Variants in ZNF483 observed in about 807,000 individuals in gnomAD.
The protein encoded by ZNF483 is zinc finger protein 483, also known as zinc finger protein HIT-10.
A neutral mutation model predicts 28.6 loss-of-function variants in ZNF483; 9 were observed. The ratio of observed to expected loss-of-function variants is 0.32; its 90% CI spans 0.19 to 0.55. The LOEUF is 0.55. Among genes scored for constraint, ZNF483 ranks in the 20% least tolerant of loss-of-function variants. The pLI is 0.93. For synonymous variants in ZNF483, 322 were observed against 306.2 expected (o/e 1.05, Z -0.54); for missense variants, 675 against 871.7 (o/e 0.77, Z 2.84).
At chr9:111,531,827 G>A (rs1302704569) in intron 3 of ZNF483, among the ~76,000 whole-genome samples, 3 of 152,166 alleles carry the variant, frequency 2.0e-5, no homozygotes, top group East Asian at 1.9e-4. Context: ...GACAACTGGC[G>A]CACGCCACTG....
rs1163868637 is a variant in ZNF483, at chr9:111,548,100, A to G, written c.*4930A>G. 1.3e-5 allele frequency among the ~76,000 whole-genome samples: 2 copies of G among 152,198 alleles called. No homozygotes were observed. The highest frequency in any genetic ancestry group is 3.8e-4 in the East Asian group (2 of 5,202). On this transcript the variant is annotated 3_prime_UTR_variant, in exon 6 of 6. Transcript: ENST00000309235. ...TGAAATGAGGAAGTGTGAGGCCTCCAGCTTTGTTCTTTCCCAAATTGTTTT... is the reference window on the plus strand; with the variant it reads ...TGAAATGAGGAAGTGTGAGGCCTCCGGCTTTGTTCTTTCCCAAATTGTTTT...
At chr9:111,564,141 TAGAGAC>T in intron 5 of ZNF483, 1 of 572,446 alleles carries the variant, frequency 1.7e-6, no homozygotes, top group Non-Finnish European at 2.3e-6. Context: ...GGGTCTTATA[TAGAGAC>T]CTGAGTTACC....
At chr9:111,540,417 G>C (rs1259818560) in intron 5 of ZNF483, among the ~76,000 whole-genome samples, 1 of 152,192 alleles carries the variant, frequency 6.6e-6, no homozygotes, top group Non-Finnish European at 1.5e-5. Context: ...CCAGGATGTA[G>C]TTAATTAGTG....
intron 5 of ZNF483, among the ~76,000 whole-genome samples, chr9:111,565,419 C>G (rs923589015): frequency 1.3e-5 from 2 of 152,196 alleles, no homozygotes; most frequent in Non-Finnish European, 2.9e-5. Flanking sequence ...AATACAAATA[C>G]TAATGTAAAA....
At chr9:111,577,329 T>C (rs1177892646) in exon 6 of ZNF483, 1 of 152,174 alleles carries the variant, frequency 6.6e-6, no homozygotes, top group East Asian at 1.9e-4. Flanking sequence ...GGTGAGTATG[T>C]AGAGAAGTTG....
In ZNF483 at chr9:111,547,586, T is replaced by C. The variant is rs2132270191; in HGVS notation, c.*4416T>C. 6.6e-6 allele frequency among the ~76,000 whole-genome samples: 1 copy of C among 152,270 alleles called. No homozygotes were observed. The highest frequency in any genetic ancestry group is 1.5e-5 in the Non-Finnish European group (1 of 67,994). ...ATGATTTGCAAATACTTTCTTCCAT[T>C]CTGTGTGGGTTGCCTTTTCATTCTA... is the stretch of plus-strand genomic sequence containing the variant. On this transcript the variant is annotated 3_prime_UTR_variant, in exon 6 of 6. Coordinates refer to ENST00000309235, the MANE Select transcript of ZNF483 (RefSeq NM_133464.5).
rs530042756 is a variant in ZNF483 at position 111,545,157 on chromosome 9, G to A, written c.*1987G>A. The stretch of plus-strand genomic sequence containing the variant: ...CATAGTTATTGCTAAGCAGACCAAC[G>A]AATCACATCCTAGCCATGAAAGGAA... On this transcript the variant is annotated 3_prime_UTR_variant, in exon 6 of 6. Transcript: ENST00000309235. Among the ~76,000 whole-genome samples, 6 of 152,236 alleles carry A rather than the reference G, an allele frequency of 3.9e-5. No individual in the cohort carries two copies. The highest frequency in any genetic ancestry group is 5.9e-5 in the Non-Finnish European group (4 of 68,016).
At chr9:111,541,578 T>C (rs1827670820) in intron 5 of ZNF483, 79 bp from the exon 6 acceptor site, 2 of 1,121,992 alleles carry the variant, frequency 1.8e-6, no homozygotes, top group Non-Finnish European at 2.5e-6. Context: ...TAGTTATTAA[T>C]GTGTTCCTAT....
At chr9:111,566,889 G>A (rs1217238810) in intron 5 of ZNF483, among the ~76,000 whole-genome samples, 1 of 151,986 alleles carries the variant, frequency 6.6e-6, no homozygotes, top group East Asian at 1.9e-4. Context: ...AAGTAGGATA[G>A]GAGCCTGGGC....
In ZNF483 at chr9:111,546,994, C is replaced by T. The variant is rs988511757; in HGVS notation, c.*3824C>T. Among the ~76,000 whole-genome samples, 2 of 152,092 alleles carry T rather than the reference C, an allele frequency of 1.3e-5. No individual in the cohort carries two copies. Among genetic ancestry groups the T allele is most frequent in the African/African-American group, 2.4e-5 (1 of 41,440 alleles). ...TAGCATTATGTTTTCAAGGTTCGGC[C>T]GTGTTGTAGCACATATCAGAATTTA... On this transcript the variant is annotated 3_prime_UTR_variant, in exon 6 of 6. Coordinates refer to ENST00000309235, the MANE Select transcript of ZNF483 (RefSeq NM_133464.5).
intron 5 of ZNF483, chr9:111,563,319 A>T (rs1176715752): frequency 7.7e-7 from 1 of 1,294,562 alleles, no homozygotes; most frequent in Non-Finnish European, 1.0e-6. Flanking sequence ...TTTATCAGGT[A>T]CATCATTGGA....
rs1827880349 is a variant in ZNF483, at chr9:111,549,614, T to G, written c.*6444T>G. ...ATCTACAAGCTTTGCTAAACCTACCTGTAGCTCTTCTGGGGCAGCGGTCGT... is the reference window on the plus strand; with the variant it reads ...ATCTACAAGCTTTGCTAAACCTACCGGTAGCTCTTCTGGGGCAGCGGTCGT... On this transcript the variant is annotated 3_prime_UTR_variant, in exon 6 of 6. Coordinates refer to ENST00000309235, the MANE Select transcript of ZNF483 (RefSeq NM_133464.5). The G allele has an allele frequency of 7.5e-6, 7 of 939,298 alleles. No homozygotes were observed. In the South Asian group the frequency reaches 1.1e-4, roughly 14 times the overall value. 58.2% of individuals were successfully genotyped at this position (939,298 alleles called of 1,614,324 possible). A position where few individuals can be genotyped will look rare whatever the true frequency, so the allele number is the denominator to read the frequency against.
chr9:111,549,720 T>TC lies in ZNF483; in HGVS notation c.*6551dup. Reference sequence around the variant, plus strand: ...CCTTTTGTAAAGTGGACCCTTGCCTTCTAAGGTAATGGTGAATGATACATA... The same window carrying TC: ...CCTTTTGTAAAGTGGACCCTTGCCTTCCTAAGGTAATGGTGAATGATACATA... On this transcript the variant is annotated 3_prime_UTR_variant, in exon 6 of 6. Coordinates refer to ENST00000309235, the MANE Select transcript of ZNF483 (RefSeq NM_133464.5). The TC allele has an allele frequency of 6.5e-7, 1 of 1,548,124 alleles. No individual in the cohort carries two copies. The highest frequency in any genetic ancestry group is 1.2e-5 in the South Asian group (1 of 83,446).
intron 4 of ZNF483, 28 bp downstream of exon 4, chr9:111,533,893 G>T: frequency 6.3e-7 from 1 of 1,581,322 alleles, no homozygotes; most frequent in Non-Finnish European, 8.5e-7. Flanking sequence ...TCATTACCTA[G>T]CGTTTAACCT....
chr9:111,537,730 G>C (rs1054058932), intron 5 of ZNF483, among the ~76,000 whole-genome samples: 1 of 152,094 alleles, frequency 6.6e-6, no homozygotes, highest in Non-Finnish European at 1.5e-5. Flanking sequence ...GGGCTGAAGC[G>C]ATCCTCTCAC....
At chr9:111,566,852 TAA>T (rs964945974) in intron 5 of ZNF483, among the ~76,000 whole-genome samples, 4 of 152,036 alleles carry the variant, frequency 2.6e-5, no homozygotes, top group African/African-American at 9.7e-5. Context: ...TATATTATGT[TAA>T]AAGATGATTA....
chr9:111,563,263 T>C, intron 5 of ZNF483: 2 of 1,583,620 alleles, frequency 1.3e-6, no homozygotes, highest in Non-Finnish European at 1.7e-6. Context: ...TTTTAAAACT[T>C]AATTTAATAT....
At chr9:111,528,820 T>C (rs529873753) in intron 2 of ZNF483, among the ~76,000 whole-genome samples, 14 of 152,288 alleles carry the variant, frequency 9.2e-5, no homozygotes, top group African/African-American at 3.4e-4. Context: ...TCTACAAAAT[T>C]AGGGCCTCTT....
At chr9:111,526,202 G>C (rs545509176) in intron 1 of ZNF483, among the ~76,000 whole-genome samples, 1 of 152,202 alleles carries the variant, frequency 6.6e-6, no homozygotes. Context: ...TTTGGTAGGA[G>C]AAAGAAAGCA....
Sources: allele counts gnomAD v4.1 joint callset (sites outside exome capture counted in the v4.1 genomes callset), GRCh38; gene constraint gnomAD v4.1.1; transcripts MANE v1.5; gene names NCBI Gene and HGNC (gene_info 2026-07-23, HGNC 2026-07-21).